AGBL4: variants seen among roughly 807,000 people sequenced by gnomAD.
AGBL4 encodes cytosolic carboxypeptidase 6.
Under a neutral mutation model 66.4 loss-of-function variants are expected in AGBL4, and 58 were observed. That is an observed-to-expected ratio of 0.87 (90% CI 0.71 to 1.09). The LOEUF is 1.09. Among genes scored for constraint, AGBL4 ranks in the 50% least tolerant of loss-of-function variants. The pLI, the probability that AGBL4 is intolerant of heterozygous loss-of-function variation, is 0.00. For missense variants in AGBL4, 579 were observed against 631.0 expected (o/e 0.92, Z 0.88); for synonymous variants, 234 against 222.9 (o/e 1.05, Z -0.44).
chr1:48,531,814 C>T (rs1230652692), downstream of AGBL4, among the ~76,000 whole-genome samples: 2 of 152,150 alleles, frequency 1.3e-5, no homozygotes, highest in Non-Finnish European at 2.9e-5. Context: ...CTCACTCTGT[C>T]ACCCAGGCTG....
At chr1:48,813,784 C>T (rs996566016) in intron 6 of AGBL4, among the ~76,000 whole-genome samples, 5 of 151,646 alleles carry the variant, frequency 3.3e-5, no homozygotes, top group Admixed American at 1.3e-4. Context: ...TACTATTCTT[C>T]CTGTGTAGAC....
chr1:48,972,156 C>T (rs2148954307), intron 5 of AGBL4, among the ~76,000 whole-genome samples: 1 of 152,238 alleles, frequency 6.6e-6, no homozygotes, highest in East Asian at 1.9e-4. Flanking sequence ...TCACTTCGTA[C>T]CGAGGTGCTT....
intron 4 of AGBL4, among the ~76,000 whole-genome samples, chr1:49,071,911 T>C (rs751787431): frequency 1.3e-5 from 2 of 152,200 alleles, no homozygotes; most frequent in Non-Finnish European, 2.9e-5. Context: ...GAATTTGCTT[T>C]GTGAATCTGG....
intron 5 of AGBL4, among the ~76,000 whole-genome samples, chr1:48,971,664 G>C (rs576223994): frequency 1.7e-4 from 26 of 152,292 alleles, no homozygotes; most frequent in Admixed American, 1.5e-3. Flanking sequence ...TGGAGGGGCA[G>C]AGAGTGAATA....
intron 1 of AGBL4, among the ~76,000 whole-genome samples, chr1:50,008,260 A>G (rs972532304): frequency 6.6e-6 from 1 of 152,226 alleles, no homozygotes; most frequent in East Asian, 1.9e-4. Context: ...GATAGACCAT[A>G]TATTAGGACA....
intron 3 of AGBL4, among the ~76,000 whole-genome samples, chr1:49,288,107 C>T (rs1322628554): frequency 2.1e-5 from 3 of 141,714 alleles, no homozygotes; most frequent in Non-Finnish European, 4.6e-5. Flanking sequence ...AGTAAACTAT[C>T]GCAAGAACAA....
intron 4 of AGBL4, among the ~76,000 whole-genome samples, chr1:49,150,747 C>T (rs1016557084): frequency 7.9e-5 from 12 of 152,140 alleles, no homozygotes; most frequent in Non-Finnish European, 1.8e-4. Flanking sequence ...AGGCACCCTT[C>T]TCGGATCCCT....
rs546142561 is a variant in AGBL4 at position 49,314,051 on chromosome 1, G to A, written c.283-68187C>T. ...TCTTGAGTTAATTTTTGTATAAGTTGTAAGGAAGGGGTCCAGCTTCAGTGT... is the reference window on the plus strand; with the variant it reads ...TCTTGAGTTAATTTTTGTATAAGTTATAAGGAAGGGGTCCAGCTTCAGTGT... On this transcript the variant is annotated intron_variant, in intron 3 of 13. Coordinates refer to ENST00000371839, the MANE Select transcript of AGBL4 (RefSeq NM_032785.4). 3.4e-3 allele frequency among the ~76,000 whole-genome samples: 512 copies of A among 152,250 alleles called. 5 individuals are homozygous for A. Among genetic ancestry groups the A allele is most frequent in the African/African-American group, 0.012 (497 of 41,548 alleles).
intron 3 of AGBL4, among the ~76,000 whole-genome samples, chr1:49,587,827 C>A (rs1050945659): frequency 1.1e-4 from 16 of 152,016 alleles, no homozygotes; most frequent in African/African-American, 3.9e-4. Context: ...CATGATGCAG[C>A]AAGGCAGTGA....
At position 48,539,841 on chromosome 1, in the gene AGBL4, C is replaced by T. The variant is rs147968389; in HGVS notation, c.1268-103G>A. 4.4e-4 allele frequency: 316 copies of T among 721,364 alleles called. 7 individuals are homozygous for T. The African/African-American group carries it at 5.0e-3, about 11-fold the overall frequency. The allele number at this position is 721,364 out of a possible 1,614,324, so 44.7% of individuals were successfully genotyped here. ...TAACAGTAATAAAAACAGTTACACA[C>T]TCATTGTTCTAAGCTTTTTGTATGC... On this transcript the variant is annotated intron_variant, in intron 11 of 13. Transcript: ENST00000371839.
chr1:49,334,225 C>G (rs1178557893), intron 3 of AGBL4, among the ~76,000 whole-genome samples: 1 of 152,060 alleles, frequency 6.6e-6, no homozygotes, highest in Non-Finnish European at 1.5e-5. Context: ...GAAACTGAAG[C>G]ATAACAAAGT....
chr1:48,668,883 A>C (rs1024743122), intron 6 of AGBL4, among the ~76,000 whole-genome samples: 2 of 152,222 alleles, frequency 1.3e-5, no homozygotes, highest in Non-Finnish European at 2.9e-5. Flanking sequence ...GGTTTAGGAG[A>C]TATCAATAGA....
At chr1:49,621,790 A>G (rs1645365067) in intron 3 of AGBL4, among the ~76,000 whole-genome samples, 1 of 152,204 alleles carries the variant, frequency 6.6e-6, no homozygotes, top group Admixed American at 6.5e-5. Context: ...ACTCCAAGGT[A>G]TGATACAATC....
At chr1:49,513,684 T>C (rs1258989052) in intron 3 of AGBL4, among the ~76,000 whole-genome samples, 1 of 152,042 alleles carries the variant, frequency 6.6e-6, no homozygotes, top group Non-Finnish European at 1.5e-5. Context: ...ATAAAGATAT[T>C]TCAACTCAAC....
At chr1:49,339,465 A>G (rs1258602184) in intron 3 of AGBL4, among the ~76,000 whole-genome samples, 1 of 152,208 alleles carries the variant, frequency 6.6e-6, no homozygotes, top group Non-Finnish European at 1.5e-5. Context: ...AAAATTGCAC[A>G]GCTTATATCT....
chr1:48,939,902 C>T (rs1655808201), intron 5 of AGBL4, among the ~76,000 whole-genome samples: 1 of 152,168 alleles, frequency 6.6e-6, no homozygotes, highest in Non-Finnish European at 1.5e-5. Flanking sequence ...TTTTAGTTAT[C>T]ACAACTAGGA....
chr1:49,354,541 T>C (rs1414576149), intron 3 of AGBL4, among the ~76,000 whole-genome samples: 1 of 152,220 alleles, frequency 6.6e-6, no homozygotes, highest in Non-Finnish European at 1.5e-5. Flanking sequence ...TACACTTGCT[T>C]TCTAAGAGAT....
At chr1:48,871,256 G>A (rs1648625013) in intron 5 of AGBL4, among the ~76,000 whole-genome samples, 1 of 152,042 alleles carries the variant, frequency 6.6e-6, no homozygotes, top group African/African-American at 2.4e-5. Flanking sequence ...GTAGGTGGCA[G>A]GTTTAATAGG....
intron 3 of AGBL4, among the ~76,000 whole-genome samples, chr1:49,400,457 TA>T (rs1249391062): frequency 6.6e-6 from 1 of 152,202 alleles, no homozygotes; most frequent in Admixed American, 6.5e-5. Context: ...ATTGAATCTG[TA>T]GATTGCTTTG....
Sources: allele counts gnomAD v4.1 joint callset (sites outside exome capture counted in the v4.1 genomes callset), GRCh38; gene constraint gnomAD v4.1.1; transcripts MANE v1.5; gene names NCBI Gene and HGNC (gene_info 2026-07-23, HGNC 2026-07-21).